LARP4B: variants seen among roughly 807,000 people sequenced by gnomAD.
The protein encoded by LARP4B is La ribonucleoprotein 4B.
Under a neutral mutation model 89.8 loss-of-function variants are expected in LARP4B, and 12 were observed. That is an observed-to-expected ratio of 0.13 (90% CI 0.09 to 0.22). LARP4B has a LOEUF of 0.22. Ranked by LOEUF, LARP4B falls within the 10% of genes least tolerant of loss-of-function variation. The probability of loss-of-function intolerance (pLI) is 1.00; values close to 1 mark genes in which losing one functional copy is unlikely to be tolerated. For missense variants in LARP4B, 757 were observed against 947.7 expected, an observed-to-expected ratio of 0.80 and a Z score of 2.64; for synonymous variants, 367 against 363.3, an observed-to-expected ratio of 1.01 and a Z score of -0.12.
At chr10:903,580 C>A (rs956414371) in intron 1 of LARP4B, 3 of 152,180 alleles carry the variant, frequency 2.0e-5, no homozygotes, top group African/African-American at 7.2e-5. Context: ...TACACCTGAA[C>A]TGAGGAAAAG....
upstream of LARP4B, among the ~76,000 whole-genome samples, chr10:933,741 A>G (rs1319564381): frequency 6.6e-6 from 1 of 152,122 alleles, no homozygotes; most frequent in Non-Finnish European, 1.5e-5. Context: ...ACCTCCACGG[A>G]TAACCTACAG....
At chr10:823,403 T>TC (rs1832457384) in intron 13 of LARP4B, among the ~76,000 whole-genome samples, 1 of 152,170 alleles carries the variant, frequency 6.6e-6, no homozygotes, top group East Asian at 1.9e-4. Context: ...ATTTGGAAGT[T>TC]CAAGTATTGT....
At chr10:966,710 C>A in the LARP4B span, among the ~76,000 whole-genome samples, 1 of 152,352 alleles carries the variant, frequency 6.6e-6, no homozygotes, top group East Asian at 1.9e-4. Flanking sequence ...CCTGCTCCTC[C>A]ACCTCTCACA....
At chr10:873,711 T>A (rs1302488496) in intron 3 of LARP4B, among the ~76,000 whole-genome samples, 1 of 151,990 alleles carries the variant, frequency 6.6e-6, no homozygotes, top group African/African-American at 2.4e-5. Flanking sequence ...AGCAAAAAAA[T>A]AAATAGCAAT....
intron 3 of LARP4B, chr10:870,069 G>A (rs1272567566): frequency 1.0e-6 from 1 of 984,776 alleles, no homozygotes; most frequent in Non-Finnish European, 1.2e-6. Context: ...GACACCGGTA[G>A]CTGAGGAGTG....
chr10:887,235 A>C (rs1047685735), intron 1 of LARP4B, among the ~76,000 whole-genome samples: 1 of 152,172 alleles, frequency 6.6e-6, no homozygotes, highest in African/African-American at 2.4e-5. Context: ...TGAGGCCTAT[A>C]GTTGTAATAT....
chr10:957,483 T>C, the LARP4B span, among the ~76,000 whole-genome samples: 1 of 152,130 alleles, frequency 6.6e-6, no homozygotes, highest in East Asian at 1.9e-4. Context: ...CATTACTCTA[T>C]TGGCAATTTT....
At chr10:845,792 C>CA (rs1833750127) in intron 5 of LARP4B, among the ~76,000 whole-genome samples, 1 of 152,212 alleles carries the variant, frequency 6.6e-6, no homozygotes, top group Non-Finnish European at 1.5e-5. Context: ...GTTGCGATGA[C>CA]AGGCACTGAA....
At chr10:850,072 T>C (rs897240455) in intron 5 of LARP4B, among the ~76,000 whole-genome samples, 8 of 152,214 alleles carry the variant, frequency 5.3e-5, no homozygotes, top group Admixed American at 2.6e-4. Context: ...AAATGTACCA[T>C]ATTAATGCAA....
At chr10:911,289 T>C (rs912808409) in intron 1 of LARP4B, among the ~76,000 whole-genome samples, 21 of 152,232 alleles carry the variant, frequency 1.4e-4, no homozygotes, top group African/African-American at 4.6e-4. Context: ...TTGAAAACAT[T>C]CTTTTTCAGA....
At chr10:862,806 T>G (rs1834695286) in intron 5 of LARP4B, among the ~76,000 whole-genome samples, 2 of 152,100 alleles carry the variant, frequency 1.3e-5, no homozygotes, top group Admixed American at 1.3e-4. Context: ...TCCAGTAACG[T>G]GTGGTACACT....
chr10:869,750 G>A (rs1835099483), intron 3 of LARP4B, among the ~76,000 whole-genome samples: 1 of 151,656 alleles, frequency 6.6e-6, no homozygotes, highest in African/African-American at 2.4e-5. Context: ...CAGGTGTAGT[G>A]GCACATGCCT....
At chr10:906,968 G>A (rs182261616) in intron 1 of LARP4B, among the ~76,000 whole-genome samples, 53 of 152,248 alleles carry the variant, frequency 3.5e-4, no homozygotes, top group African/African-American at 1.3e-3. Context: ...TCCCTAAAGC[G>A]AGGGACTCGC....
chr10:893,073 T>A (rs999198038), intron 1 of LARP4B, among the ~76,000 whole-genome samples: 1 of 59,382 alleles, frequency 1.7e-5, no homozygotes, highest in Non-Finnish European at 4.2e-5. Context: ...ACCATACCCT[T>A]TTTTTTCTTT....
the LARP4B span, among the ~76,000 whole-genome samples, chr10:951,441 A>G: frequency 2.0e-5 from 3 of 151,824 alleles, no homozygotes; most frequent in Non-Finnish European, 4.4e-5. Flanking sequence ...CCAACTCGAG[A>G]GGCTGAGGCA....
chr10:920,593 G>C lies in LARP4B; in HGVS notation c.-40+10835C>G, dbSNP rs183788221. Among the ~76,000 whole-genome samples, 99 of 152,190 alleles carry C rather than the reference G, an allele frequency of 6.5e-4. 1 individual carries two copies. The highest frequency in any genetic ancestry group is 1.5e-4 in the Non-Finnish European group (10 of 68,012). ...GTTGCAGACCAGCCTGGCCAATATG[G>C]AGAAACCCTGTCTCTACTAAAACTA... On this transcript the variant is annotated intron_variant, in intron 1 of 17. Coordinates refer to ENST00000316157, the MANE Select transcript of LARP4B (RefSeq NM_015155.3).
At chr10:854,045 A>G (rs546619484) in intron 5 of LARP4B, among the ~76,000 whole-genome samples, 1 of 152,366 alleles carries the variant, frequency 6.6e-6, no homozygotes, top group East Asian at 1.9e-4. Flanking sequence ...CAATATTCAC[A>G]GCGTCTTCAC....
At chr10:832,641 G>A (rs924849717) in intron 8 of LARP4B, among the ~76,000 whole-genome samples, 9 of 152,098 alleles carry the variant, frequency 5.9e-5, no homozygotes, top group Non-Finnish European at 1.2e-4. Flanking sequence ...CACAGAAAAC[G>A]TATACCAGAA....
chr10:862,447 C>T (rs7067865), intron 5 of LARP4B, among the ~76,000 whole-genome samples: 24,221 of 151,778 alleles, frequency 0.16, 2,099 homozygotes, highest in Non-Finnish European at 0.19. Context: ...TAACGAAAAG[C>T]CCATGGCAAG....
Sources: gnomAD v4.1 joint callset for allele counts (sites outside exome capture counted in the v4.1 genomes callset) on GRCh38, gnomAD v4.1.1 for gene constraint, MANE v1.5 for transcripts, NCBI Gene and HGNC (gene_info 2026-07-23, HGNC 2026-07-21) for gene names.